METTL8: variants seen among roughly 807,000 people sequenced by gnomAD.
The protein encoded by METTL8 is methyltransferase 8, tRNA N3-cytidine.
Under a neutral mutation model 48.7 loss-of-function variants are expected in METTL8, and 32 were observed. The observed-to-expected ratio is 0.66, with a 90% CI of 0.50 to 0.88. The LOEUF (loss-of-function observed/expected upper bound fraction) is 0.88. METTL8 is among the 40% of genes least tolerant of loss of function. The pLI is 0.00. For synonymous variants in METTL8, 136 were observed against 157.1 expected, an observed-to-expected ratio of 0.87 and a Z score of 1.01; for missense variants, 464 against 474.4, an observed-to-expected ratio of 0.98 and a Z score of 0.20.
intron 3 of METTL8, among the ~76,000 whole-genome samples, chr2:171,354,544 T>A (rs570304513): frequency 1.3e-5 from 2 of 152,360 alleles, no homozygotes; most frequent in East Asian, 3.9e-4. Flanking sequence ...GATAATATCC[T>A]GAAGAGTGTT....
At chr2:171,349,976 G>A (rs12327994) in intron 3 of METTL8, among the ~76,000 whole-genome samples, 50,939 of 151,812 alleles carry the variant, frequency 0.34, 8,968 homozygotes, top group African/African-American at 0.42. Flanking sequence ...TTTTATTATT[G>A]TTATACTTTA....
intron 1 of METTL8, among the ~76,000 whole-genome samples, chr2:171,394,051 T>C (rs186901673): frequency 6.6e-6 from 1 of 152,306 alleles, no homozygotes; most frequent in East Asian, 1.9e-4. Context: ...GCAAGCTCTT[T>C]GGTGGAGGCA....
chr2:171,359,301 A>C (rs1271698465), intron 3 of METTL8, among the ~76,000 whole-genome samples: 1 of 152,204 alleles, frequency 6.6e-6, no homozygotes, highest in African/African-American at 2.4e-5. Flanking sequence ...AATCAAAACC[A>C]CAATGAGATA....
rs2105434112 is a variant in METTL8, at chr2:171,345,287, T to C, written c.236-5733A>G. Among the ~76,000 whole-genome samples, 3 of 152,312 alleles carry C rather than the reference T, an allele frequency of 2.0e-5. 1 individual carries two copies. The Middle Eastern group carries it at 0.01, about 518-fold the overall frequency. ...TCTGAATCACACTCAACATCACAAC[T>C]AAGAAATTGAATTAAACCATTTATG... On this transcript the variant is annotated intron_variant, in intron 3 of 9. Transcript: ENST00000375258.
At chr2:171,431,792 A>G (rs1460072660) in intron 1 of METTL8, among the ~76,000 whole-genome samples, 1 of 152,202 alleles carries the variant, frequency 6.6e-6, no homozygotes, top group Non-Finnish European at 1.5e-5. Context: ...GGCTGTTAAC[A>G]TGCCCCTGTT....
chr2:171,356,894 A>G (rs1285786866), intron 3 of METTL8, among the ~76,000 whole-genome samples: 1 of 150,790 alleles, frequency 6.6e-6, no homozygotes, highest in African/African-American at 2.4e-5. Context: ...AAGAGAAAGA[A>G]ATAAAGGGCA....
chr2:171,392,131 G>A lies in METTL8; in HGVS notation c.55C>T (p.His19Tyr). The A allele has an allele frequency of 6.4e-7, 1 of 1,551,620 alleles. No individual in the cohort carries two copies. Among genetic ancestry groups the A allele is most frequent in the Non-Finnish European group, 8.7e-7 (1 of 1,146,938 alleles). The change falls in exon 2 of 10, where the codon CAC (histidine) becomes TAC (tyrosine). Residue 19 changes from histidine (H) to tyrosine (Y), a missense_variant. Transcript: ENST00000375258. ...ISCLRLGKVP[H>Y]RYQSGYHPVA... ...GGGTGGTAACCACTTTGGTATCTGTGTGGCACCTTTCCTAGCCTTAGACAA... is the reference window on the plus strand; with the variant it reads ...GGGTGGTAACCACTTTGGTATCTGTATGGCACCTTTCCTAGCCTTAGACAA...
chr2:171,358,243 C>A (rs528425816), intron 3 of METTL8, among the ~76,000 whole-genome samples: 1 of 151,422 alleles, frequency 6.6e-6, no homozygotes, highest in Non-Finnish European at 1.5e-5. Flanking sequence ...CCCAGCTAAT[C>A]AGGAGGCTGA....
chr2:171,411,713 T>C (rs1046157385), intron 1 of METTL8, among the ~76,000 whole-genome samples: 12 of 152,212 alleles, frequency 7.9e-5, no homozygotes, highest in Non-Finnish European at 1.8e-4. Flanking sequence ...AAATCTTTAT[T>C]AGTCTAGGAA....
chr2:171,362,209 A>G (rs1448863790), intron 2 of METTL8, among the ~76,000 whole-genome samples: 1 of 152,190 alleles, frequency 6.6e-6, no homozygotes, highest in African/African-American at 2.4e-5. Context: ...AAAGCGACCA[A>G]TTAGACTGTT....
chr2:171,354,919 C>T (rs1684361782), intron 3 of METTL8, among the ~76,000 whole-genome samples: 1 of 152,144 alleles, frequency 6.6e-6, no homozygotes, highest in African/African-American at 2.4e-5. Context: ...CCTCCTTTAG[C>T]TCAGAGAAGT....
At chr2:171,336,395 G>C (rs1290734125) in intron 5 of METTL8, among the ~76,000 whole-genome samples, 1 of 107,820 alleles carries the variant, frequency 9.3e-6, no homozygotes, top group Non-Finnish European at 1.8e-5. Flanking sequence ...ACGCCCGACT[G>C]CTTTTTTTTT....
rs760579218 is a variant in METTL8 at position 171,340,498 on chromosome 2, C to CAAAAAA, written c.236-950_236-945dup. ...GCCTGGGCAACAGAGTGAGTTGTCT[C>CAAAAAA]AAAAAAAAAAAAAAAAAAAAAAAGA... is the stretch of plus-strand genomic sequence containing the variant. On this transcript the variant is annotated intron_variant, in intron 3 of 9. Transcript: ENST00000375258. Among the ~76,000 whole-genome samples the CAAAAAA allele has an allele frequency of 1.2e-4, 5 of 42,930 alleles. 1 individual carries two copies. 28.2% of individuals were successfully genotyped at this position (42,930 alleles called of 152,430 possible).
rs1193387179 is a variant in METTL8, at chr2:171,331,840, A to G, written c.684T>C (p.Cys228=). 6.2e-7 allele frequency: 1 copy of G among 1,603,444 alleles called. No homozygotes were observed. Among genetic ancestry groups the G allele is most frequent in the Non-Finnish European group, 8.5e-7 (1 of 1,174,634 alleles). Reference sequence around the variant, plus strand: ...CCACAGCTCCAGAAGCAAAATCACAACAATACAGAAAGGACTCCGGAGAGT... The same window carrying G: ...CCACAGCTCCAGAAGCAAAATCACAGCAATACAGAAAGGACTCCGGAGAGT... ...LENSPESFLY[C]CDFASGAVEL... is the part of the protein sequence containing the mutation. Residue 228 remains cysteine (C), a synonymous_variant, in exon 6 of 10, where the codon TGT becomes TGC. Coordinates refer to ENST00000375258, the MANE Select transcript of METTL8 (RefSeq NM_001321154.2).
chr2:171,339,523 C>A lies in METTL8; in HGVS notation c.267G>T (p.Trp89Cys), dbSNP rs1207395792. The A allele has an allele frequency of 1.5e-5, 24 of 1,579,372 alleles. No homozygotes were observed. The highest frequency in any genetic ancestry group is 1.9e-5 in the Non-Finnish European group (22 of 1,153,122). The change falls in exon 4 of 10, where the codon TGG becomes TGT. Residue 89 changes from tryptophan (W) to cysteine (C), a missense_variant. Coordinates refer to ENST00000375258, the MANE Select transcript of METTL8 (RefSeq NM_001321154.2). ...TCTTATGAATCTTGTAAAATGTGTC[C>A]CAGTATTTACTAGCTTCTCTCTCAT... is the stretch of plus-strand genomic sequence containing the variant. Reference protein sequence around the residue: ...VKYEREASKYWDTFYKIHKNK... With the variant: ...VKYEREASKYCDTFYKIHKNK...
chr2:171,415,368 T>G (rs1230387528), intron 1 of METTL8, among the ~76,000 whole-genome samples: 1 of 147,028 alleles, frequency 6.8e-6, no homozygotes, highest in Non-Finnish European at 1.5e-5. Flanking sequence ...TTTTTTTTTT[T>G]TTTTGACAGA....
At chr2:171,347,811 G>A (rs1233304860) in intron 3 of METTL8, among the ~76,000 whole-genome samples, 1 of 152,148 alleles carries the variant, frequency 6.6e-6, no homozygotes, top group African/African-American at 2.4e-5. Flanking sequence ...ACTGCCACTG[G>A]TATGCACCCT....
chr2:171,417,691 C>A (rs965700911), intron 1 of METTL8, among the ~76,000 whole-genome samples: 1 of 152,154 alleles, frequency 6.6e-6, no homozygotes, highest in African/African-American at 2.4e-5. Flanking sequence ...CTACCATATT[C>A]CTGCTGCATT....
chr2:171,429,736 T>C (rs907474256), intron 1 of METTL8, among the ~76,000 whole-genome samples: 1 of 152,174 alleles, frequency 6.6e-6, no homozygotes, highest in Non-Finnish European at 1.5e-5. Flanking sequence ...AGTATCTTAT[T>C]TGGGTATAAG....
Sources: allele counts gnomAD v4.1 joint callset (sites outside exome capture counted in the v4.1 genomes callset), GRCh38; gene constraint gnomAD v4.1.1; transcripts MANE v1.5; gene names NCBI Gene and HGNC (gene_info 2026-07-23, HGNC 2026-07-21).